LPAR1: variants seen among roughly 807,000 people sequenced by gnomAD.
LPAR1 encodes the protein LPA receptor 1.
Under a neutral mutation model 23.8 loss-of-function variants are expected in LPAR1, and 5 were observed. The ratio of observed to expected loss-of-function variants is 0.21; its 90% CI spans 0.11 to 0.44. The LOEUF is 0.44. LPAR1 is among the 20% of genes least tolerant of loss of function. LPAR1 has a pLI of 0.99. For synonymous variants in LPAR1, 160 were observed against 164.7 expected, an observed-to-expected ratio of 0.97 and a Z score of 0.22; for missense variants, 311 against 482.8, an observed-to-expected ratio of 0.64 and a Z score of 3.33.
chr9:110,981,566 A>T (rs770915720), intron 2 of LPAR1, among the ~76,000 whole-genome samples: 3 of 145,966 alleles, frequency 2.1e-5, no homozygotes, highest in Non-Finnish European at 4.5e-5. Flanking sequence ...AAACATTTAC[A>T]AGTTTGATTT....
intron 2 of LPAR1, among the ~76,000 whole-genome samples, chr9:111,002,290 A>T (rs1225177122): frequency 6.6e-6 from 1 of 152,172 alleles, no homozygotes; most frequent in African/African-American, 2.4e-5. Flanking sequence ...TAATTTACTT[A>T]AAAAAGGAAT....
At chr9:111,021,363 A>C (rs1353340628) in intron 2 of LPAR1, among the ~76,000 whole-genome samples, 1 of 152,226 alleles carries the variant, frequency 6.6e-6, no homozygotes, top group African/African-American at 2.4e-5. Flanking sequence ...AGTACCTTTA[A>C]TTCTCTTTCA....
intron 2 of LPAR1, among the ~76,000 whole-genome samples, chr9:111,014,653 C>G (rs977293698): frequency 6.6e-6 from 1 of 152,106 alleles, no homozygotes; most frequent in Non-Finnish European, 1.5e-5. Context: ...AAAGCTCCCC[C>G]AGGTGTTCTT....
At chr9:110,886,430 A>AAT (rs2082430656) in intron 5 of LPAR1, among the ~76,000 whole-genome samples, 1 of 151,558 alleles carries the variant, frequency 6.6e-6, no homozygotes, top group Admixed American at 6.6e-5. Flanking sequence ...GAAAAAAAAA[A>AAT]AAAAAACAAT....
intron 2 of LPAR1, among the ~76,000 whole-genome samples, chr9:111,009,651 T>C: frequency 6.6e-6 from 1 of 152,104 alleles, no homozygotes; most frequent in Middle Eastern, 3.4e-3. Flanking sequence ...ATCACTTTTA[T>C]AGTAAAAAAA....
At chr9:110,976,637 T>C (rs1340013471) in intron 2 of LPAR1, among the ~76,000 whole-genome samples, 2 of 152,148 alleles carry the variant, frequency 1.3e-5, no homozygotes, top group South Asian at 4.1e-4. Flanking sequence ...CATGAAGCAA[T>C]GTGGGTTTGC....
At chr9:110,888,307 C>T (rs2082970103) in intron 5 of LPAR1, among the ~76,000 whole-genome samples, 1 of 152,108 alleles carries the variant, frequency 6.6e-6, no homozygotes, top group Admixed American at 6.5e-5. Flanking sequence ...AATTTGGCTC[C>T]TCCAGAATAG....
At chr9:110,933,655 A>G (rs1286861424) in intron 5 of LPAR1, among the ~76,000 whole-genome samples, 1 of 152,198 alleles carries the variant, frequency 6.6e-6, no homozygotes, top group African/African-American at 2.4e-5. Context: ...GGTCACCACA[A>G]TTCATTTAAG....
intron 2 of LPAR1, among the ~76,000 whole-genome samples, chr9:110,992,297 G>A (rs1298233062): frequency 6.6e-6 from 1 of 152,024 alleles, no homozygotes; most frequent in Non-Finnish European, 1.5e-5. Flanking sequence ...AAACCACAAT[G>A]AAACACCACT....
chr9:110,922,822 TTA>T (rs905242310), intron 5 of LPAR1, among the ~76,000 whole-genome samples: 2 of 71,718 alleles, frequency 2.8e-5, no homozygotes, highest in Non-Finnish European at 5.3e-5. Context: ...GGTCTTATTA[TTA>T]TATTATTATT....
At chr9:110,972,707 G>A (rs1035337941) in intron 3 of LPAR1, among the ~76,000 whole-genome samples, 4 of 152,150 alleles carry the variant, frequency 2.6e-5, no homozygotes, top group African/African-American at 9.7e-5. Flanking sequence ...AGCTCTTTGG[G>A]AAGCCGAGGG....
At chr9:111,007,167 G>A (rs2097235250) in intron 2 of LPAR1, among the ~76,000 whole-genome samples, 1 of 152,042 alleles carries the variant, frequency 6.6e-6, no homozygotes, top group South Asian at 2.1e-4. Context: ...CTCCCCAGAA[G>A]CCGAGCAGAT....
rs116486052 is a variant in LPAR1, at chr9:110,932,611, G to A, written c.793+8810C>T. Among the ~76,000 whole-genome samples, 252 of 152,342 alleles carry A rather than the reference G, an allele frequency of 1.7e-3. 2 individuals carry two copies. The highest frequency in any genetic ancestry group is 5.4e-3 in the African/African-American group (226 of 41,586). On this transcript the variant is annotated intron_variant, in intron 5 of 5. Transcript: ENST00000683809. Reference sequence around the variant, plus strand: ...AACAGTCCATAGCCTGTTAAGAATCGGGCTGCACAGCAGGAGGTGAGCAGC... The same window carrying A: ...AACAGTCCATAGCCTGTTAAGAATCAGGCTGCACAGCAGGAGGTGAGCAGC...
intron 5 of LPAR1, among the ~76,000 whole-genome samples, chr9:110,886,636 T>C (rs2132901064): frequency 6.6e-6 from 1 of 152,304 alleles, no homozygotes; most frequent in South Asian, 2.1e-4. Flanking sequence ...CAGTAAGATT[T>C]GTTTTCTTTT....
At chr9:110,980,751 A>AT (rs2138942436) in intron 2 of LPAR1, among the ~76,000 whole-genome samples, 1 of 152,096 alleles carries the variant, frequency 6.6e-6, no homozygotes, top group Non-Finnish European at 1.5e-5. Context: ...AATTTATTGT[A>AT]TTTTTTCAAA....
At chr9:110,978,380 AAG>A (rs1204490257) in intron 2 of LPAR1, among the ~76,000 whole-genome samples, 1 of 152,212 alleles carries the variant, frequency 6.6e-6, no homozygotes, top group Non-Finnish European at 1.5e-5. Context: ...AAAGATTTTA[AAG>A]CCTTCGTCTC....
intron 4 of LPAR1, among the ~76,000 whole-genome samples, chr9:110,957,015 T>C (rs1269499048): frequency 1.3e-5 from 2 of 152,022 alleles, no homozygotes; most frequent in African/African-American, 2.4e-5. Context: ...CAGATGAACA[T>C]AGATGGAAAA....
intron 5 of LPAR1, among the ~76,000 whole-genome samples, chr9:110,936,243 C>T (rs2094699650): frequency 6.6e-6 from 1 of 152,236 alleles, no homozygotes; most frequent in South Asian, 2.1e-4. Flanking sequence ...CACTCAACAA[C>T]ATGCTTGTTG....
At chr9:111,024,563 TATATATACACAC>T (rs2097649142) in intron 2 of LPAR1, among the ~76,000 whole-genome samples, 1 of 94,434 alleles carries the variant, frequency 1.1e-5, no homozygotes, top group African/African-American at 3.6e-5. Context: ...TACACACACA[TATATATACACAC>T]ACACTTTAAG....
Sources: allele counts gnomAD v4.1 joint callset (sites outside exome capture counted in the v4.1 genomes callset), GRCh38; gene constraint gnomAD v4.1.1; transcripts MANE v1.5; gene names NCBI Gene and HGNC (gene_info 2026-07-23, HGNC 2026-07-21).